Variants in LRMDA observed in about 807,000 individuals in gnomAD.
LRMDA encodes leucine-rich melanocyte differentiation-associated protein.
In LRMDA, 18 loss-of-function variants were observed where a neutral mutation model predicts 29.8. The observed-to-expected ratio is 0.60, with a 90% CI of 0.42 to 0.90. LRMDA has a LOEUF of 0.90. Ranked by LOEUF, LRMDA falls within the 40% of genes least tolerant of loss-of-function variation. LRMDA has a pLI of 0.00. For missense variants in LRMDA, 273 were observed against 273.9 expected (o/e 1.00, Z 0.02); for synonymous variants, 125 against 109.4 (o/e 1.14, Z -0.89).
At chr10:76,543,482 T>C (rs1367840679) in intron 6 of LRMDA, among the ~76,000 whole-genome samples, 1 of 152,168 alleles carries the variant, frequency 6.6e-6, no homozygotes, top group Non-Finnish European at 1.5e-5. Context: ...TCATTTTTTC[T>C]GAGTCCAGGG....
intron 6 of LRMDA, among the ~76,000 whole-genome samples, chr10:76,338,550 G>A (rs1198962390): frequency 2.0e-5 from 3 of 151,966 alleles, no homozygotes; most frequent in Non-Finnish European, 2.9e-5. Flanking sequence ...CCTTAGTTTA[G>A]GCATCAAGTA....
intron 2 of LRMDA, among the ~76,000 whole-genome samples, chr10:75,665,007 C>T (rs557083719): frequency 6.6e-6 from 1 of 152,192 alleles, no homozygotes; most frequent in African/African-American, 2.4e-5. Context: ...GGTTCAGTGA[C>T]TTTCCCTGGC....
intron 6 of LRMDA, among the ~76,000 whole-genome samples, chr10:76,398,477 G>T (rs895065536): frequency 2.0e-5 from 3 of 152,162 alleles, no homozygotes; most frequent in African/African-American, 7.2e-5. Flanking sequence ...CCTAGTCAAC[G>T]ACCCTCAAAG....
intron 5 of LRMDA, among the ~76,000 whole-genome samples, chr10:76,226,938 G>A (rs1193659952): frequency 6.6e-6 from 1 of 152,172 alleles, no homozygotes; most frequent in East Asian, 1.9e-4. Context: ...CATTGTGTCA[G>A]ATTTTAACGT....
rs538623235 is a variant in LRMDA at position 76,085,534 on chromosome 10, G to A, written c.516+26751G>A. Among the ~76,000 whole-genome samples, 3 of 152,280 alleles carry A rather than the reference G, an allele frequency of 2.0e-5. No individual in the cohort carries two copies. In the East Asian group the frequency reaches 5.8e-4, roughly 29 times the overall value. On this transcript the variant is annotated intron_variant, in intron 5 of 6. Coordinates refer to ENST00000611255, the MANE Select transcript of LRMDA (RefSeq NM_001305581.2). ...CCTGAAGAATGGCCTGGCTGGGGCT[G>A]GGGTGGAGGGAGGGGTCGCTTTACT...
rs561114465 is a variant in LRMDA at position 76,071,027 on chromosome 10, C to A, written c.516+12244C>A. 2.8e-4 allele frequency among the ~76,000 whole-genome samples: 42 copies of A among 152,180 alleles called. No homozygotes were observed. The South Asian group carries it at 3.3e-3, about 12-fold the overall frequency. ...GAGAGGTCTCCATACAGGACCAATGCGGGAAAGGATGCCTGGTGCAGAAGT... is the reference window on the plus strand; with the variant it reads ...GAGAGGTCTCCATACAGGACCAATGAGGGAAAGGATGCCTGGTGCAGAAGT... On this transcript the variant is annotated intron_variant, in intron 5 of 6. Transcript: ENST00000611255.
chr10:75,932,625 C>A (rs1255264328), intron 2 of LRMDA, among the ~76,000 whole-genome samples: 3 of 151,088 alleles, frequency 2.0e-5, no homozygotes, highest in African/African-American at 7.3e-5. Context: ...CAAAACAAAC[C>A]AAAACAACAG....
At chr10:76,544,685 C>G (rs917841142) in intron 6 of LRMDA, among the ~76,000 whole-genome samples, 14 of 150,500 alleles carry the variant, frequency 9.3e-5, no homozygotes, top group Non-Finnish European at 1.8e-4. Flanking sequence ...CATATACATA[C>G]ACATATACAT....
chr10:75,754,743 C>T (rs1843009684), intron 2 of LRMDA, among the ~76,000 whole-genome samples: 1 of 151,998 alleles, frequency 6.6e-6, no homozygotes, highest in Non-Finnish European at 1.5e-5. Flanking sequence ...CTCCCCTTTT[C>T]CCCGTTTCCT....
intron 2 of LRMDA, among the ~76,000 whole-genome samples, chr10:75,897,583 T>C (rs1845604379): frequency 6.6e-6 from 1 of 151,822 alleles, no homozygotes; most frequent in South Asian, 2.1e-4. Flanking sequence ...GATTATCTAA[T>C]CAGTCCTTTC....
chr10:76,280,625 ATG>A (rs1442860260), intron 5 of LRMDA, among the ~76,000 whole-genome samples: 2 of 152,094 alleles, frequency 1.3e-5, no homozygotes, highest in Non-Finnish European at 2.9e-5. Flanking sequence ...CTGGGAGAGA[ATG>A]TATTTGCCTC....
At chr10:76,334,270 C>T (rs1285034669) in intron 6 of LRMDA, among the ~76,000 whole-genome samples, 1 of 152,184 alleles carries the variant, frequency 6.6e-6, no homozygotes, top group Non-Finnish European at 1.5e-5. Flanking sequence ...ACTTCCTAGT[C>T]CCAGTTCTTC....
At chr10:75,706,183 T>C (rs1714834577) in intron 2 of LRMDA, among the ~76,000 whole-genome samples, 1 of 152,214 alleles carries the variant, frequency 6.6e-6, no homozygotes, top group South Asian at 2.1e-4. Flanking sequence ...TCCATTCTTT[T>C]TAAAAATAAT....
At chr10:76,397,434 TTTAA>T (rs1271833927) in intron 6 of LRMDA, among the ~76,000 whole-genome samples, 1 of 152,232 alleles carries the variant, frequency 6.6e-6, no homozygotes, top group Non-Finnish European at 1.5e-5. Context: ...CATATCCCTG[TTTAA>T]TTAATTTCCT....
At chr10:76,324,102 T>A (rs934346035) in intron 5 of LRMDA, among the ~76,000 whole-genome samples, 2 of 152,190 alleles carry the variant, frequency 1.3e-5, no homozygotes, top group African/African-American at 4.8e-5. Flanking sequence ...TCTAAGCCTT[T>A]AACTTTTCCT....
chr10:76,427,935 T>A (rs1168033279), intron 6 of LRMDA, among the ~76,000 whole-genome samples: 1 of 152,202 alleles, frequency 6.6e-6, no homozygotes, highest in Non-Finnish European at 1.5e-5. Flanking sequence ...GAACCAGCCT[T>A]GCATCCCAGG....
intron 6 of LRMDA, among the ~76,000 whole-genome samples, chr10:76,380,890 G>T (rs1208908262): frequency 6.6e-6 from 1 of 151,448 alleles, no homozygotes; most frequent in African/African-American, 2.4e-5. Context: ...ATAATAAAAT[G>T]CATGTAGCTG....
At chr10:76,185,811 G>A (rs1487174502) in intron 5 of LRMDA, among the ~76,000 whole-genome samples, 1 of 152,066 alleles carries the variant, frequency 6.6e-6, no homozygotes, top group Non-Finnish European at 1.5e-5. Context: ...TTTTAAAAAA[G>A]AATTCAACAA....
At chr10:76,454,630 G>A (rs556229824) in intron 6 of LRMDA, among the ~76,000 whole-genome samples, 45 of 54,670 alleles carry the variant, frequency 8.2e-4, no homozygotes, top group African/African-American at 3.1e-3. Flanking sequence ...CCCCCACCCC[G>A]CCCGACTTTG....
Sources: allele counts gnomAD v4.1 joint callset (sites outside exome capture counted in the v4.1 genomes callset), GRCh38; gene constraint gnomAD v4.1.1; transcripts MANE v1.5; gene names NCBI Gene and HGNC (gene_info 2026-07-23, HGNC 2026-07-21).